FGFR1: variants seen among roughly 807,000 people sequenced by gnomAD.
FGFR1 encodes the protein FGFR1/PLAG1 fusion.
In FGFR1, 18 loss-of-function variants were observed where a neutral mutation model predicts 93.7. The ratio of observed to expected loss-of-function variants is 0.19; its 90% CI spans 0.13 to 0.28. The LOEUF (loss-of-function observed/expected upper bound fraction) is 0.28. Among genes scored for constraint, FGFR1 ranks in the 10% least tolerant of loss-of-function variants. The pLI, the probability that FGFR1 is intolerant of heterozygous loss-of-function variation, is 1.00. For synonymous variants in FGFR1, 448 were observed against 429.3 expected, an observed-to-expected ratio of 1.04 and a Z score of -0.54; for missense variants, 731 against 1,080.4, an observed-to-expected ratio of 0.68 and a Z score of 4.53.
At chr8:38,447,098 AAC>A (rs57917657) in intron 2 of FGFR1, among the ~76,000 whole-genome samples, 11,522 of 132,860 alleles carry the variant, frequency 0.087, 489 homozygotes, top group East Asian at 0.14. Flanking sequence ...ACTGCAAGCA[AAC>A]ACACACACAC....
chr8:38,418,034 A>G (rs2150661387), intron 10 of FGFR1, 43 bp from the exon 11 acceptor site: 1 of 1,613,584 alleles, frequency 6.2e-7, no homozygotes, highest in Non-Finnish European at 8.5e-7. Context: ...GGGCTGGTGA[A>G]GTTCAAACCT....
At chr8:38,421,983 T>C (rs200118467) in intron 7 of FGFR1, 42 bp from the exon 8 acceptor site, 31 of 1,611,792 alleles carry the variant, frequency 1.9e-5, no homozygotes, top group Admixed American at 1.8e-4. Context: ...GCACAGGACA[T>C]GAGACCTCTA....
rs3051753 is a variant in FGFR1 at position 38,452,200 on chromosome 8, G to GACAC, written c.91+5152_91+5155dup. 3.8e-3 allele frequency among the ~76,000 whole-genome samples: 527 copies of GACAC among 139,116 alleles called. 3 individuals carry two copies. The highest frequency in any genetic ancestry group is 7.1e-3 in the African/African-American group (258 of 36,562). 91.3% of individuals were successfully genotyped at this position (139,116 alleles called of 152,430 possible). On this transcript the variant is annotated intron_variant, in intron 2 of 17. Coordinates refer to ENST00000447712, the MANE Select transcript of FGFR1 (RefSeq NM_023110.3). ...CTCCCGACAGACACACAGACACACA[G>GACAC]ACACACACACACACACACACACACA...
chr8:38,461,230 C>A, intron 1 of FGFR1: 1 of 1,149,118 alleles, frequency 8.7e-7, no homozygotes, highest in South Asian at 1.5e-5. Context: ...CTGGACGGAC[C>A]ACGTGACCTT....
Position 38,424,712 on chromosome 8 carries a change from G to A in FGFR1, c.746-13C>T, listed in dbSNP as rs535174170. ...TGAGGGGACCGCTCTGTGGAAGATGGGAGAGGAGGCACTTGTCATGGGGAC... is the reference window on the plus strand; with the variant it reads ...TGAGGGGACCGCTCTGTGGAAGATGAGAGAGGAGGCACTTGTCATGGGGAC... On this transcript the variant is annotated splice_polypyrimidine_tract_variant and intron_variant, in intron 6 of 17. Coordinates refer to ENST00000447712, the MANE Select transcript of FGFR1 (RefSeq NM_023110.3). This position sits in a 1 kb window ranked among gnomAD's most constrained non-coding sequence, Gnocchi z 4.3. 1.9e-5 allele frequency: 31 copies of A among 1,607,002 alleles called. No individual in the cohort carries two copies. In the African/African-American group the frequency reaches 2.4e-4, roughly 12 times the overall value.
intron 7 of FGFR1, chr8:38,422,151 C>A (rs1414616170): frequency 3.4e-6 from 2 of 595,152 alleles, no homozygotes; most frequent in Non-Finnish European, 6.0e-6. Flanking sequence ...CTCCGGCAGA[C>A]CTGAGAAGAC....
chr8:38,414,328 T>C (rs1815507142), intron 15 of FGFR1, 39 bp from the exon 16 acceptor site: 11 of 1,613,624 alleles, frequency 6.8e-6, no homozygotes, highest in Middle Eastern at 1.6e-4. Context: ...TTAGAGCTTC[T>C]CCGCCTCCCC....
In FGFR1 at chr8:38,432,918, CT is replaced by C. The variant is rs1223791035; in HGVS notation, c.92-2971del. 8.2e-4 allele frequency among the ~76,000 whole-genome samples: 115 copies of C among 140,878 alleles called. 2 individuals are homozygous for C. The highest frequency in any genetic ancestry group is 2.4e-3 in the East Asian group (11 of 4,612). The allele number at this position is 140,878 out of a possible 152,430, so 92.4% of individuals were successfully genotyped here. Reference sequence around the variant, plus strand: ...GTCCCTCCCCACCGCGCCCCCCCCCCTCCCCAGTTGGGATGCTTTCAGCACG... The same window carrying C: ...GTCCCTCCCCACCGCGCCCCCCCCCCCCCCAGTTGGGATGCTTTCAGCACG... On this transcript the variant is annotated intron_variant, in intron 2 of 17. Coordinates refer to ENST00000447712, the MANE Select transcript of FGFR1 (RefSeq NM_023110.3).
chr8:38,443,113 T>C (rs1283377148), intron 2 of FGFR1, among the ~76,000 whole-genome samples: 1 of 152,060 alleles, frequency 6.6e-6, no homozygotes, highest in Non-Finnish European at 1.5e-5. Context: ...AAGGGGGAGT[T>C]AGCGTTGAAC....
chr8:38,438,473 G>T (rs893376053), intron 2 of FGFR1, among the ~76,000 whole-genome samples: 2 of 151,160 alleles, frequency 1.3e-5, no homozygotes, highest in Admixed American at 6.6e-5. Flanking sequence ...AACCTAGGAG[G>T]CAGAGGTTGC....
chr8:38,435,377 C>T (rs986507303), intron 2 of FGFR1: 7 of 152,176 alleles, frequency 4.6e-5, no homozygotes, highest in South Asian at 2.1e-4. Flanking sequence ...CGGGTTCTAG[C>T]GGCTTTTTTC....
chr8:38,452,110 C>G (rs1831243046), intron 2 of FGFR1, among the ~76,000 whole-genome samples: 2 of 151,892 alleles, frequency 1.3e-5, no homozygotes. Context: ...ACTCCAGGCC[C>G]TCCCCAATCC....
chr8:38,430,410 A>G (rs892614188), intron 2 of FGFR1: 2 of 162,236 alleles, frequency 1.2e-5, no homozygotes, highest in Non-Finnish European at 2.7e-5. Flanking sequence ...CAGCTGAACA[A>G]ACCCCGCCCC....
chr8:38,429,716 G>C lies in FGFR1; in HGVS notation c.324C>G (p.Gly108=), dbSNP rs2150956236. The C allele has an allele frequency of 1.3e-6, 2 of 1,574,834 alleles. No homozygotes were observed. Among genetic ancestry groups the C allele is most frequent in the Non-Finnish European group, 1.7e-6 (2 of 1,159,832 alleles). The stretch of plus-strand genomic sequence containing the variant: ...TGACGGAGAAGTAGGTGGTGTCACT[G>C]CCCGAGGGGCTGCTGGTTACGCAAG... ...LYACVTSSPS[G]SDTTYFSVNV... Residue 108 remains glycine, a synonymous_variant, in exon 3 of 18, where the codon GGC becomes GGG. Coordinates refer to ENST00000447712, the MANE Select transcript of FGFR1 (RefSeq NM_023110.3). The surrounding 1 kb of genome is among the most constrained non-coding windows in gnomAD (Gnocchi z 4.4).
At chr8:38,422,398 C>T (rs1370549986) in intron 7 of FGFR1, 1 of 372,414 alleles carries the variant, frequency 2.7e-6, no homozygotes, top group East Asian at 4.4e-5. Flanking sequence ...CAAGGGAATG[C>T]CTAACCCCTT....
At chr8:38,428,773 G>A (rs543840948) in intron 3 of FGFR1, 17 of 392,408 alleles carry the variant, frequency 4.3e-5, no homozygotes, top group South Asian at 3.8e-4. Flanking sequence ...CAGGCAACCT[G>A]TATTCTTCTT....
At chr8:38,430,185 C>T in intron 2 of FGFR1, 1 of 566,280 alleles carries the variant, frequency 1.8e-6, no homozygotes. Context: ...CTCCAAAAGT[C>T]AAAGGAAGAA....
At chr8:38,447,625 G>A (rs773424348) in intron 2 of FGFR1, among the ~76,000 whole-genome samples, 9 of 152,240 alleles carry the variant, frequency 5.9e-5, no homozygotes, top group Non-Finnish European at 8.8e-5. Context: ...GGGACTACAG[G>A]TGGCCGCCAT....
chr8:38,464,312 C>CAAAAA (rs56133772), intron 1 of FGFR1, among the ~76,000 whole-genome samples: 3 of 82,374 alleles, frequency 3.6e-5, no homozygotes, highest in African/African-American at 4.6e-5. Flanking sequence ...GAGACTATCT[C>CAAAAA]AAAAAAAAAA....
Sources: allele counts gnomAD v4.1 joint callset (sites outside exome capture counted in the v4.1 genomes callset), GRCh38; gene constraint gnomAD v4.1.1; non-coding constraint Gnocchi (gnomAD v3.1); transcripts MANE v1.5; gene names NCBI Gene and HGNC (gene_info 2026-07-23, HGNC 2026-07-21).